The following SKIC2 variants were observed in gnomAD, a reference collection of about 807,000 sequenced individuals.
SKIC2 encodes SKI2 subunit of superkiller complex.
the SKIC2 span, chr6:31,963,754 G>A: frequency 6.5e-7 from 1 of 1,535,162 alleles, no homozygotes; most frequent in Non-Finnish European, 8.8e-7. The surrounding 1 kb of genome is among the most constrained non-coding windows in gnomAD (Gnocchi z 5.3). Context: ...GGAGGGTTTT[G>A]TACCTGCCAG....
At chr6:31,963,942 C>T in the SKIC2 span, 1 of 1,611,906 alleles carries the variant, frequency 6.2e-7, no homozygotes. The surrounding 1 kb of genome is among the most constrained non-coding windows in gnomAD (Gnocchi z 5.3). Context: ...CCCTCCTGGC[C>T]TCCCTCCGCA....
chr6:31,961,247 C>A, the SKIC2 span: 1 of 1,612,878 alleles, frequency 6.2e-7, no homozygotes, highest in Non-Finnish European at 8.5e-7. Context: ...ATGTTGGAGC[C>A]TCTGGATTTG....
chr6:31,964,099 C>T, the SKIC2 span: 32 of 1,612,464 alleles, frequency 2.0e-5, no homozygotes, highest in African/African-American at 5.3e-5. The surrounding 1 kb of genome is among the most constrained non-coding windows in gnomAD (Gnocchi z 5.0). Context: ...TGCTCGCCTC[C>T]GTGGCTCTGA....
At chr6:31,968,524 C>G in the SKIC2 span, 3 of 1,612,486 alleles carry the variant, frequency 1.9e-6, no homozygotes, top group Non-Finnish European at 1.7e-6. The surrounding 1 kb of genome is among the most constrained non-coding windows in gnomAD (Gnocchi z 6.1). Context: ...ACACAGCCCC[C>G]GTTTTCCTGC....
chr6:31,968,468 T>C, the SKIC2 span: 1 of 1,612,916 alleles, frequency 6.2e-7, no homozygotes, highest in Non-Finnish European at 8.5e-7. This position sits in a 1 kb window ranked among gnomAD's most constrained non-coding sequence, Gnocchi z 6.1. Flanking sequence ...GAGGGTGGGC[T>C]CCGGGCCCGG....
chr6:31,966,597 C>T, the SKIC2 span: 2 of 1,122,810 alleles, frequency 1.8e-6, no homozygotes, highest in Non-Finnish European at 2.6e-6. This position sits in a 1 kb window ranked among gnomAD's most constrained non-coding sequence, Gnocchi z 5.9. Context: ...TCCAAGGCCC[C>T]ATGGTTGCAG....
the SKIC2 span, chr6:31,967,995 A>C: frequency 2.5e-6 from 4 of 1,612,828 alleles, no homozygotes; most frequent in Non-Finnish European, 3.4e-6. The surrounding 1 kb of genome is among the most constrained non-coding windows in gnomAD (Gnocchi z 4.9). Flanking sequence ...CAGCCAGGAG[A>C]TATGGCTGCC....
the SKIC2 span, among the ~76,000 whole-genome samples, chr6:31,965,069 G>GATAGC: frequency 6.6e-6 from 1 of 152,312 alleles, no homozygotes; most frequent in Non-Finnish European, 1.5e-5. The surrounding 1 kb of genome is among the most constrained non-coding windows in gnomAD (Gnocchi z 5.6). Flanking sequence ...AGTGAGCCAA[G>GATAGC]ATAGCACCGC....
the SKIC2 span, chr6:31,968,520 C>T: frequency 2.5e-6 from 4 of 1,612,402 alleles, no homozygotes; most frequent in Middle Eastern, 3.3e-4. This position sits in a 1 kb window ranked among gnomAD's most constrained non-coding sequence, Gnocchi z 6.1. Flanking sequence ...GTGTACACAG[C>T]CCCCGTTTTC....
the SKIC2 span, chr6:31,960,499 C>T: frequency 3.5e-5 from 57 of 1,614,086 alleles, no homozygotes; most frequent in East Asian, 1.3e-3. Flanking sequence ...CCAGGGCCAG[C>T]CTCCCAGTCC....
the SKIC2 span, chr6:31,963,086 G>A: frequency 6.2e-7 from 1 of 1,608,524 alleles, no homozygotes; most frequent in Non-Finnish European, 8.5e-7. The surrounding 1 kb of genome is among the most constrained non-coding windows in gnomAD (Gnocchi z 5.3). Context: ...TTGCTGACTG[G>A]ATTGGGTGAG....
chr6:31,969,474 C>T, the SKIC2 span: 4 of 1,613,408 alleles, frequency 2.5e-6, no homozygotes, highest in Non-Finnish European at 3.4e-6. The surrounding 1 kb of genome is among the most constrained non-coding windows in gnomAD (Gnocchi z 6.1). Flanking sequence ...AGAACCTGCC[C>T]AGGCTGAGTG....
chr6:31,967,297 G>A, the SKIC2 span: 4 of 1,612,838 alleles, frequency 2.5e-6, no homozygotes, highest in East Asian at 4.5e-5. The surrounding 1 kb of genome is among the most constrained non-coding windows in gnomAD (Gnocchi z 4.9). Flanking sequence ...GTCTGTGAAC[G>A]GGCTGAAGTC....
the SKIC2 span, chr6:31,965,733 T>G: frequency 9.0e-7 from 1 of 1,112,462 alleles, no homozygotes; most frequent in Non-Finnish European, 1.4e-6. This position sits in a 1 kb window ranked among gnomAD's most constrained non-coding sequence, Gnocchi z 5.6. Flanking sequence ...GGGCTGGGGG[T>G]GTGTGTATGT....
At chr6:31,967,725 A>G in the SKIC2 span, 1 of 1,612,486 alleles carries the variant, frequency 6.2e-7, no homozygotes, top group Non-Finnish European at 8.5e-7. This position sits in a 1 kb window ranked among gnomAD's most constrained non-coding sequence, Gnocchi z 4.9. Flanking sequence ...GTCTCCTCGA[A>G]CTCCACCAGC....
the SKIC2 span, chr6:31,967,597 C>G: frequency 1.4e-5 from 17 of 1,199,278 alleles, no homozygotes; most frequent in Non-Finnish European, 2.0e-5. The surrounding 1 kb of genome is among the most constrained non-coding windows in gnomAD (Gnocchi z 4.9). Context: ...TTGCCCCTCT[C>G]TACTGGTGAG....
At chr6:31,968,311 A>G in the SKIC2 span, 1 of 1,603,324 alleles carries the variant, frequency 6.2e-7, no homozygotes, top group Non-Finnish European at 8.5e-7. The surrounding 1 kb of genome is among the most constrained non-coding windows in gnomAD (Gnocchi z 6.1). Context: ...AGATCTTAAG[A>G]TCTGCTCCCT....
At chr6:31,965,777 T>C in the SKIC2 span, 1 of 1,569,244 alleles carries the variant, frequency 6.4e-7, no homozygotes, top group South Asian at 1.1e-5. The surrounding 1 kb of genome is among the most constrained non-coding windows in gnomAD (Gnocchi z 5.6). Context: ...TTCTCCTCTG[T>C]CCCAGGTCTT....
At chr6:31,960,664 AG>A in the SKIC2 span, 2 of 1,589,336 alleles carry the variant, frequency 1.3e-6, no homozygotes, top group Non-Finnish European at 1.7e-6. Flanking sequence ...GTCTCTTCCC[AG>A]GGGGGATGGA....
Sources: allele counts gnomAD v4.1 joint callset (sites outside exome capture counted in the v4.1 genomes callset), GRCh38; gene constraint gnomAD v4.1.1; non-coding constraint Gnocchi (gnomAD v3.1); transcripts MANE v1.5; gene names NCBI Gene and HGNC (gene_info 2026-07-23, HGNC 2026-07-21).